Variants in MAPK10 observed in about 807,000 individuals in gnomAD.
MAPK10 encodes mitogen-activated protein kinase 10.
Under a neutral mutation model 59.3 loss-of-function variants are expected in MAPK10, and 25 were observed. The ratio of observed to expected loss-of-function variants is 0.42; its 90% CI spans 0.31 to 0.59. MAPK10 has a LOEUF of 0.59. Ranked by LOEUF, MAPK10 falls within the 20% of genes least tolerant of loss-of-function variation. The pLI is 0.15. For synonymous variants in MAPK10, 190 were observed against 200.5 expected, an observed-to-expected ratio of 0.95 and a Z score of 0.44; for missense variants, 351 against 568.9, an observed-to-expected ratio of 0.62 and a Z score of 3.90.
At chr4:86,265,223 T>A (rs777092304) in intron 2 of MAPK10, among the ~76,000 whole-genome samples, 49 of 152,032 alleles carry the variant, frequency 3.2e-4, no homozygotes, top group Non-Finnish European at 6.2e-4. Flanking sequence ...TTAAAAAGTA[T>A]TATGATATGG....
At chr4:86,298,331 C>T (rs905916972) in intron 2 of MAPK10, among the ~76,000 whole-genome samples, 2 of 152,128 alleles carry the variant, frequency 1.3e-5, no homozygotes, top group African/African-American at 4.8e-5. Context: ...TACTAATAAA[C>T]ATTAAAAATA....
intron 2 of MAPK10, among the ~76,000 whole-genome samples, chr4:86,273,159 A>G (rs1480140490): frequency 6.6e-6 from 1 of 151,896 alleles, no homozygotes; most frequent in Non-Finnish European, 1.5e-5. Flanking sequence ...GTACATACAC[A>G]TCAGCATTCT....
chr4:86,553,190 A>C (rs1759993307), intron 1 of MAPK10, among the ~76,000 whole-genome samples: 1 of 152,152 alleles, frequency 6.6e-6, no homozygotes, highest in African/African-American at 2.4e-5. Context: ...CCTAGTAGTA[A>C]ATACCTAGTA....
chr4:86,386,543 A>G (rs1319560865), intron 1 of MAPK10, among the ~76,000 whole-genome samples: 1 of 152,092 alleles, frequency 6.6e-6, no homozygotes, highest in Non-Finnish European at 1.5e-5. Context: ...TGATCTATAA[A>G]TGATAGAGAT....
upstream of MAPK10, chr4:86,457,857 G>A (rs989691452): frequency 2.0e-5 from 3 of 151,986 alleles, no homozygotes; most frequent in African/African-American, 7.2e-5. Flanking sequence ...GCCAAAGCAA[G>A]ACTCAGCAAA....
At chr4:86,137,825 A>G in intron 4 of MAPK10, among the ~76,000 whole-genome samples, 1 of 149,760 alleles carries the variant, frequency 6.7e-6, no homozygotes, top group African/African-American at 2.5e-5. Flanking sequence ...AGAACCAAAT[A>G]GACACAATAA....
At chr4:86,034,788 T>C (rs1470305805) in intron 11 of MAPK10, among the ~76,000 whole-genome samples, 5 of 152,024 alleles carry the variant, frequency 3.3e-5, no homozygotes, top group Non-Finnish European at 7.4e-5. Flanking sequence ...GCTTATTCAG[T>C]GAGCGAAAGA....
intron 1 of MAPK10, among the ~76,000 whole-genome samples, chr4:86,486,899 GAGA>G (rs1754037736): frequency 6.6e-6 from 1 of 152,300 alleles, no homozygotes; most frequent in African/African-American, 2.4e-5. Flanking sequence ...ACAGTACTCT[GAGA>G]AGGACAAATC....
intron 4 of MAPK10, chr4:86,125,338 C>A (rs1185556088): frequency 1.3e-5 from 2 of 151,706 alleles, no homozygotes; most frequent in African/African-American, 4.8e-5. Flanking sequence ...TTATTCTTCT[C>A]ATTAAAAAAA....
At chr4:86,556,633 A>G (rs996493613) in intron 1 of MAPK10, among the ~76,000 whole-genome samples, 1 of 152,150 alleles carries the variant, frequency 6.6e-6, no homozygotes, top group Non-Finnish European at 1.5e-5. Context: ...AATACCAGAG[A>G]AAAGAGAAAT....
chr4:86,275,137 A>C (rs968883436), intron 2 of MAPK10, among the ~76,000 whole-genome samples: 17 of 152,084 alleles, frequency 1.1e-4, no homozygotes, highest in African/African-American at 3.9e-4. Context: ...CAATTTATTC[A>C]CAGGATAAAT....
At chr4:86,480,869 A>T (rs1753554652) in intron 1 of MAPK10, among the ~76,000 whole-genome samples, 1 of 152,222 alleles carries the variant, frequency 6.6e-6, no homozygotes, top group Non-Finnish European at 1.5e-5. Context: ...GAAAACTGTC[A>T]ATTGTTATGC....
intron 11 of MAPK10, among the ~76,000 whole-genome samples, chr4:86,042,591 T>C (rs2041784984): frequency 6.6e-6 from 1 of 152,150 alleles, no homozygotes; most frequent in Admixed American, 6.6e-5. Flanking sequence ...GTATAGTTTT[T>C]TAAAAATGCA....
intron 1 of MAPK10, among the ~76,000 whole-genome samples, chr4:86,380,553 C>T (rs939750732): frequency 3.3e-5 from 5 of 152,172 alleles, no homozygotes; most frequent in Non-Finnish European, 2.9e-5. Context: ...GTTTTCCAAT[C>T]ACCAACCTTT....
At chr4:86,469,633 G>A (rs1053512049) in intron 1 of MAPK10, among the ~76,000 whole-genome samples, 2 of 152,154 alleles carry the variant, frequency 1.3e-5, no homozygotes, top group Non-Finnish European at 2.9e-5. Flanking sequence ...TCCTACTATG[G>A]TTATTTATAT....
At chr4:86,045,071 G>T (rs2042249008) in intron 11 of MAPK10, among the ~76,000 whole-genome samples, 1 of 152,094 alleles carries the variant, frequency 6.6e-6, no homozygotes, top group Non-Finnish European at 1.5e-5. Flanking sequence ...ATTATGATCT[G>T]AACTGAGTGT....
chr4:86,177,994 T>C (rs1228711387), intron 3 of MAPK10, among the ~76,000 whole-genome samples: 1 of 152,100 alleles, frequency 6.6e-6, no homozygotes, highest in Admixed American at 6.6e-5. Flanking sequence ...ATCTTGGCTA[T>C]TATATCTTAC....
intron 9 of MAPK10, among the ~76,000 whole-genome samples, chr4:86,075,049 G>A (rs899189790): frequency 6.7e-6 from 1 of 148,730 alleles, no homozygotes; most frequent in Non-Finnish European, 1.5e-5. Context: ...CCTAGATTTG[G>A]TCTTTTCATA....
At chr4:86,281,306 C>T (rs1380789029) in intron 2 of MAPK10, among the ~76,000 whole-genome samples, 1 of 151,752 alleles carries the variant, frequency 6.6e-6, no homozygotes, top group Admixed American at 6.6e-5. Flanking sequence ...TGAGACCAGC[C>T]AGGCCAACAT....
Sources: allele counts gnomAD v4.1 joint callset (sites outside exome capture counted in the v4.1 genomes callset), GRCh38; gene constraint gnomAD v4.1.1; transcripts MANE v1.5; gene names NCBI Gene and HGNC (gene_info 2026-07-23, HGNC 2026-07-21).